FGGY: variants seen among roughly 807,000 people sequenced by gnomAD.
FGGY encodes FGGY carbohydrate kinase domain containing.
FGGY carries 72 observed loss-of-function variants against 71.3 expected under a neutral mutation model. That is an observed-to-expected ratio of 1.01 (90% CI 0.84 to 1.23). FGGY has a LOEUF of 1.23. FGGY is among the 50% of genes most tolerant of loss of function. The pLI is 0.00. For missense variants in FGGY, 668 were observed against 682.3 expected, an observed-to-expected ratio of 0.98 and a Z score of 0.23; for synonymous variants, 251 against 250.3, an observed-to-expected ratio of 1.00 and a Z score of -0.02.
At chr1:59,734,322 C>T (rs1234130720) in intron 14 of FGGY, among the ~76,000 whole-genome samples, 1 of 152,128 alleles carries the variant, frequency 6.6e-6, no homozygotes, top group Admixed American at 6.5e-5. Context: ...TCCCATCTCA[C>T]CTCCCAGGTA....
chr1:59,601,026 G>T (rs2096572438), intron 8 of FGGY, among the ~76,000 whole-genome samples: 1 of 148,080 alleles, frequency 6.8e-6, no homozygotes, highest in African/African-American at 2.5e-5. Context: ...CTAGGAGTTG[G>T]CTGGATTGTG....
At chr1:59,418,504 A>G (rs2064862150) in intron 5 of FGGY, among the ~76,000 whole-genome samples, 1 of 151,866 alleles carries the variant, frequency 6.6e-6, no homozygotes, top group African/African-American at 2.4e-5. Flanking sequence ...AGAAAAAAAA[A>G]AGTTTGAGGG....
chr1:59,408,912 G>A lies in FGGY; in HGVS notation c.554+30075G>A, dbSNP rs115131884. Among the ~76,000 whole-genome samples the A allele has an allele frequency of 7.7e-3, 1,173 of 152,188 alleles. 17 individuals are homozygous for A. The highest frequency in any genetic ancestry group is 0.026 in the African/African-American group (1,092 of 41,524). The stretch of plus-strand genomic sequence containing the variant: ...TTCCACAGAGCTTTCTTGGGTTCGC[G>A]AACTAGAGATCTATGAAGTGTTTGC... On this transcript the variant is annotated intron_variant, in intron 5 of 15. Coordinates refer to ENST00000303721, the MANE Select transcript of FGGY (RefSeq NM_018291.5).
chr1:59,610,055 C>G (rs2096659597), intron 9 of FGGY, among the ~76,000 whole-genome samples: 1 of 152,214 alleles, frequency 6.6e-6, no homozygotes, highest in Admixed American at 6.5e-5. Flanking sequence ...TAAACTTGTG[C>G]TATGTACTTA....
chr1:59,537,186 A>T (rs530783479), intron 7 of FGGY, among the ~76,000 whole-genome samples: 1 of 151,518 alleles, frequency 6.6e-6, no homozygotes, highest in Admixed American at 6.6e-5. Context: ...AATCACAAGC[A>T]TTCTTATACA....
chr1:59,602,958 T>G (rs2096591804), intron 8 of FGGY, among the ~76,000 whole-genome samples: 1 of 152,226 alleles, frequency 6.6e-6, no homozygotes, highest in Non-Finnish European at 1.5e-5. Context: ...TTTGCCTTAT[T>G]GTTATAGCTT....
intron 6 of FGGY, among the ~76,000 whole-genome samples, chr1:59,500,752 G>GA (rs2094200758): frequency 6.8e-6 from 1 of 146,304 alleles, no homozygotes; most frequent in Admixed American, 6.8e-5. Flanking sequence ...AACAATAGCA[G>GA]AAAACCTTCT....
chr1:59,377,287 G>C (rs190876046), intron 4 of FGGY, among the ~76,000 whole-genome samples: 34 of 152,226 alleles, frequency 2.2e-4, no homozygotes, highest in South Asian at 1.5e-3. Context: ...CCCGAGACTG[G>C]GTAATTTATA....
chr1:59,305,838 T>G (rs2043359383), intron 1 of FGGY, among the ~76,000 whole-genome samples: 1 of 152,220 alleles, frequency 6.6e-6, no homozygotes, highest in South Asian at 2.1e-4. Context: ...ATTAGTACTC[T>G]CCTGAATACT....
At chr1:59,729,798 T>TTAG (rs2098001315) in intron 14 of FGGY, among the ~76,000 whole-genome samples, 1 of 152,186 alleles carries the variant, frequency 6.6e-6, no homozygotes, top group Non-Finnish European at 1.5e-5. Context: ...ATAGATGTTC[T>TTAG]TAGGCCCCTA....
At chr1:59,447,780 G>A (rs139220251) in intron 5 of FGGY, among the ~76,000 whole-genome samples, 73 of 152,266 alleles carry the variant, frequency 4.8e-4, no homozygotes, top group African/African-American at 1.5e-3. Flanking sequence ...CCCCAGCCAC[G>A]TGGAACCATG....
intron 5 of FGGY, among the ~76,000 whole-genome samples, chr1:59,452,779 G>A (rs1403360014): frequency 2.0e-5 from 3 of 152,184 alleles, no homozygotes; most frequent in Non-Finnish European, 4.4e-5. Context: ...AGCACCCTTG[G>A]TGGAAGCAGC....
At chr1:59,529,743 C>G (rs1209220658) in intron 7 of FGGY, among the ~76,000 whole-genome samples, 1 of 152,136 alleles carries the variant, frequency 6.6e-6, no homozygotes, top group African/African-American at 2.4e-5. Context: ...GCCAGAGATT[C>G]ATTTTAAGCA....
intron 7 of FGGY, among the ~76,000 whole-genome samples, chr1:59,535,464 G>A (rs998359521): frequency 6.6e-6 from 1 of 152,122 alleles, no homozygotes; most frequent in East Asian, 1.9e-4. Context: ...ATTGAACTCA[G>A]CTCTGCACCA....
intron 11 of FGGY, among the ~76,000 whole-genome samples, chr1:59,654,671 C>G (rs1264476531): frequency 2.0e-5 from 3 of 151,794 alleles, no homozygotes; most frequent in Admixed American, 6.6e-5. Flanking sequence ...TTTATAATAC[C>G]AAGGTTTAGA....
chr1:59,576,398 G>A (rs192134905), intron 8 of FGGY, among the ~76,000 whole-genome samples: 6 of 152,032 alleles, frequency 3.9e-5, no homozygotes, highest in East Asian at 1.9e-4. Flanking sequence ...GAGGCCAGTC[G>A]GGGGGTAGGG....
At chr1:59,488,913 C>T (rs977677202) in intron 6 of FGGY, among the ~76,000 whole-genome samples, 1 of 152,014 alleles carries the variant, frequency 6.6e-6, no homozygotes, top group African/African-American at 2.4e-5. Flanking sequence ...GCATTTCCAA[C>T]AGTCCATAAG....
chr1:59,662,507 C>T (rs533372846), intron 12 of FGGY, among the ~76,000 whole-genome samples: 3 of 152,186 alleles, frequency 2.0e-5, no homozygotes, highest in African/African-American at 7.2e-5. Flanking sequence ...GGGATTTGAA[C>T]CCCCAGCATT....
intron 2 of FGGY, among the ~76,000 whole-genome samples, chr1:59,332,227 G>C (rs1219933543): frequency 2.6e-5 from 4 of 152,146 alleles, no homozygotes; most frequent in Non-Finnish European, 5.9e-5. Context: ...ACAGTTGTTA[G>C]ACATGGAACA....
Sources: allele counts gnomAD v4.1 joint callset (sites outside exome capture counted in the v4.1 genomes callset), GRCh38; gene constraint gnomAD v4.1.1; transcripts MANE v1.5; gene names NCBI Gene and HGNC (gene_info 2026-07-23, HGNC 2026-07-21).